The following ELAC1 variants were observed in gnomAD, a reference collection of about 807,000 sequenced individuals.
The protein encoded by ELAC1 is elaC ribonuclease Z 1.
A neutral mutation model predicts 25.8 loss-of-function variants in ELAC1; 19 were observed. The ratio of observed to expected loss-of-function variants is 0.74; its 90% CI spans 0.51 to 1.08. The LOEUF (loss-of-function observed/expected upper bound fraction) is 1.08. Among genes scored for constraint, ELAC1 ranks in the 50% least tolerant of loss-of-function variants. ELAC1 has a pLI of 0.00. For synonymous variants in ELAC1, 148 were observed against 160.9 expected (o/e 0.92, Z 0.61); for missense variants, 403 against 434.6 (o/e 0.93, Z 0.65).
chr18:50,973,527 T>C (rs926882844), intron 1 of ELAC1, among the ~76,000 whole-genome samples: 11 of 152,192 alleles, frequency 7.2e-5, no homozygotes, highest in Admixed American at 7.2e-4. Context: ...TCAGCATTAT[T>C]GTGAAATATC....
At chr18:50,975,547 A>G (rs974972397) in intron 2 of ELAC1, among the ~76,000 whole-genome samples, 1 of 151,350 alleles carries the variant, frequency 6.6e-6, no homozygotes, top group Non-Finnish European at 1.5e-5. Context: ...CTGTTCAACT[A>G]GGCATCTACT....
In ELAC1 at chr18:50,986,921, G is replaced by C; in HGVS notation, c.928G>C (p.Val310Leu). ...FAKLCRAKRLVLTHFSQRYKP... is the reference protein window; with the variant it reads ...FAKLCRAKRLLLTHFSQRYKP... Reference sequence around the variant, plus strand: ...AAAGTTGTGCCGTGCAAAGAGGCTGGTTCTGACTCACTTCAGTCAGAGGTA... The same window carrying C: ...AAAGTTGTGCCGTGCAAAGAGGCTGCTTCTGACTCACTTCAGTCAGAGGTA... Residue 310 changes from valine to leucine, a missense_variant, in exon 4 of 4, where the codon GTT becomes CTT. By Grantham distance (32) the Val-to-Leu change is conservative. Coordinates refer to ENST00000269466, the MANE Select transcript of ELAC1 (RefSeq NM_018696.3). The C allele has an allele frequency of 3.7e-6, 6 of 1,613,936 alleles. No homozygotes were observed. Among genetic ancestry groups the C allele is most frequent in the Admixed American group, 1.7e-5 (1 of 60,000 alleles).
intron 2 of ELAC1, among the ~76,000 whole-genome samples, chr18:50,980,132 G>T (rs1036190173): frequency 6.6e-6 from 1 of 151,980 alleles, no homozygotes; most frequent in Non-Finnish European, 1.5e-5. Context: ...GAGGCCAGGA[G>T]TTTGAGACCA....
In ELAC1 at chr18:50,986,819, G is replaced by A. The variant is rs934957401; in HGVS notation, c.826G>A (p.Ala276Thr). ...CFEADLLIHE[A>T]TLDDAQMDKA... ...TGAAGCAGACCTGTTGATCCACGAA[G>A]CAACCCTGGATGATGCCCAGATGGA... Residue 276 changes from alanine to threonine, a missense_variant, in exon 4 of 4, where the codon GCA (alanine) becomes ACA (threonine). Physicochemically the swap from Ala to Thr is moderately conservative, Grantham distance 58. Coordinates refer to ENST00000269466, the MANE Select transcript of ELAC1 (RefSeq NM_018696.3). 6.2e-7 allele frequency: 1 copy of A among 1,614,200 alleles called. No homozygotes were observed. The highest frequency in any genetic ancestry group is 1.7e-5 in the Admixed American group (1 of 60,018).
chr18:50,977,730 C>A (rs1230670134), intron 2 of ELAC1, among the ~76,000 whole-genome samples: 1 of 152,218 alleles, frequency 6.6e-6, no homozygotes, highest in Admixed American at 6.5e-5. Context: ...ATAGGATTTT[C>A]TTTTCTGTTA....
intron 2 of ELAC1, among the ~76,000 whole-genome samples, chr18:50,976,680 T>C (rs1402129253): frequency 6.6e-6 from 1 of 152,192 alleles, no homozygotes; most frequent in Non-Finnish European, 1.5e-5. Flanking sequence ...CAGAACCTTA[T>C]GTCCTCACAT....
rs760773001 is a variant in ELAC1, at chr18:50,986,929, T to A, written c.936T>A (p.Thr312=). The A allele has an allele frequency of 6.2e-7, 1 of 1,613,956 alleles. No homozygotes were observed. The highest frequency in any genetic ancestry group is 8.5e-7 in the Non-Finnish European group (1 of 1,179,930). The change falls in exon 4 of 4, where the codon ACT becomes ACA. Residue 312 remains threonine, a synonymous_variant. Transcript: ENST00000269466. ...GCCGTGCAAAGAGGCTGGTTCTGAC[T>A]CACTTCAGTCAGAGGTACAAACCAG... ...KLCRAKRLVL[T]HFSQRYKPVA... is the part of the protein sequence containing the mutation.
chr18:50,972,780 G>T (rs557565057), intron 1 of ELAC1, among the ~76,000 whole-genome samples: 36 of 152,272 alleles, frequency 2.4e-4, no homozygotes, highest in African/African-American at 8.4e-4. Flanking sequence ...ACCGTGCCCG[G>T]CCTATTCTGT....
chr18:50,975,206 T>C (rs1907770402), intron 2 of ELAC1, among the ~76,000 whole-genome samples: 1 of 152,142 alleles, frequency 6.6e-6, no homozygotes, highest in Non-Finnish European at 1.5e-5. Context: ...TCAACTTTAC[T>C]TTCCCGATCT....
rs142132015 is a variant in ELAC1, at chr18:50,984,326, T to G, written c.388T>G (p.Cys130Gly). The G allele has an allele frequency of 3.7e-5, 59 of 1,614,178 alleles. No homozygotes were observed. In the African/African-American group the frequency reaches 7.2e-4, roughly 20 times the overall value. ...VHELVPTADQCPAEELKEFAH... is the reference protein window; with the variant it reads ...VHELVPTADQGPAEELKEFAH... ...TGAACTGGTTCCTACAGCAGATCAA[T>G]GTCCTGCAGAAGAACTAAAAGAATT... Residue 130 changes from cysteine to glycine, a missense_variant, in exon 3 of 4, where the codon TGT becomes GGT. Cys to Gly is a radical substitution (Grantham distance 159). Coordinates refer to ENST00000269466, the MANE Select transcript of ELAC1 (RefSeq NM_018696.3).
intron 1 of ELAC1, among the ~76,000 whole-genome samples, chr18:50,974,195 T>C (rs1907733405): frequency 6.6e-6 from 1 of 152,228 alleles, no homozygotes; most frequent in Non-Finnish European, 1.5e-5. Flanking sequence ...TTTGGGTGTG[T>C]GAACAATTAT....
chr18:50,984,908 G>T, intron 3 of ELAC1: 1 of 335,776 alleles, frequency 3.0e-6, no homozygotes, highest in Non-Finnish European at 5.3e-6. Flanking sequence ...CTCCAGCTTG[G>T]GTGACAAAGC....
At chr18:50,971,912 GTATATATATATA>G (rs66495742) in intron 1 of ELAC1, among the ~76,000 whole-genome samples, 22 of 76,534 alleles carry the variant, frequency 2.9e-4, no homozygotes, top group Non-Finnish European at 5.3e-4. Context: ...GTGTGTGTGT[GTATATATATATA>G]TATATATATA....
chr18:50,977,387 T>C (rs1907821572), intron 2 of ELAC1, among the ~76,000 whole-genome samples: 1 of 152,252 alleles, frequency 6.6e-6, no homozygotes, highest in Non-Finnish European at 1.5e-5. Flanking sequence ...AATTCTTGAC[T>C]TCTGTGCACC....
intron 1 of ELAC1, among the ~76,000 whole-genome samples, chr18:50,973,483 A>C (rs1907715695): frequency 6.6e-6 from 1 of 152,240 alleles, no homozygotes; most frequent in Non-Finnish European, 1.5e-5. Context: ...CTCGTGAGTC[A>C]TGGACCATGT....
chr18:50,977,950 G>A (rs1461449315), intron 2 of ELAC1, among the ~76,000 whole-genome samples: 1 of 152,134 alleles, frequency 6.6e-6, no homozygotes, highest in Non-Finnish European at 1.5e-5. Flanking sequence ...AGATCTCTAG[G>A]GCAGGGGCAC....
At chr18:50,973,574 T>C (rs956659675) in intron 1 of ELAC1, among the ~76,000 whole-genome samples, 1 of 152,232 alleles carries the variant, frequency 6.6e-6, no homozygotes, top group Non-Finnish European at 1.5e-5. Flanking sequence ...ATTACTGTTA[T>C]GATTGTTCAG....
chr18:50,976,491 G>A (rs938593016), intron 2 of ELAC1, among the ~76,000 whole-genome samples: 12 of 152,120 alleles, frequency 7.9e-5, no homozygotes, highest in East Asian at 3.9e-4. Context: ...TTATCAACCC[G>A]TCAGATCTCA....
chr18:50,981,749 T>C (rs1352806076), intron 2 of ELAC1, among the ~76,000 whole-genome samples: 3 of 152,152 alleles, frequency 2.0e-5, no homozygotes, highest in Non-Finnish European at 4.4e-5. Flanking sequence ...TCAGTTTGGC[T>C]TTGTTTTAGA....
Sources: allele counts gnomAD v4.1 joint callset (sites outside exome capture counted in the v4.1 genomes callset), GRCh38; gene constraint gnomAD v4.1.1; transcripts MANE v1.5; gene names NCBI Gene and HGNC (gene_info 2026-07-23, HGNC 2026-07-21).